SDK2: variants seen among roughly 807,000 people sequenced by gnomAD.
The protein encoded by SDK2 is sidekick cell adhesion molecule 2.
SDK2 carries 105 observed loss-of-function variants against 253.9 expected under a neutral mutation model. The observed-to-expected ratio is 0.41, with a 90% CI of 0.35 to 0.49. SDK2 has a LOEUF of 0.49. SDK2 is among the 20% of genes least tolerant of loss of function. SDK2 has a pLI of 0.06. For missense variants in SDK2, 2,608 were observed against 3,003.0 expected, an observed-to-expected ratio of 0.87 and a Z score of 3.07; for synonymous variants, 1,249 against 1,234.9, an observed-to-expected ratio of 1.01 and a Z score of -0.24.
At chr17:73,460,010 T>C (rs546889578) in intron 3 of SDK2, among the ~76,000 whole-genome samples, 1 of 152,326 alleles carries the variant, frequency 6.6e-6, no homozygotes, top group East Asian at 1.9e-4. Flanking sequence ...CTTTTTACAG[T>C]ATGATGGACA....
Position 73,336,170 on chromosome 17 carries a change from A to C in SDK2, c.*2417T>G, listed in dbSNP as rs1041436249. Reference sequence around the variant, plus strand: ...GCTCAGCAGAGAGGGAAAGGGATGAAGTTATTTAAAAAAAAAAAAAAAAAA... The same window carrying C: ...GCTCAGCAGAGAGGGAAAGGGATGACGTTATTTAAAAAAAAAAAAAAAAAA... On this transcript the variant is annotated 3_prime_UTR_variant, in exon 45 of 45. Transcript: ENST00000392650. 3 of 149,520 alleles carry C rather than the reference A, an allele frequency of 2.0e-5. No homozygotes were observed. Among genetic ancestry groups the C allele is most frequent in the African/African-American group, 7.4e-5 (3 of 40,608 alleles). 9.3% of individuals were successfully genotyped at this position (149,520 alleles called of 1,614,324 possible). A position where few individuals can be genotyped will look rare whatever the true frequency, so the allele number is the denominator to read the frequency against.
intron 1 of SDK2, 48 bp from the exon 2 acceptor site, chr17:73,507,645 T>C (rs2063946843): frequency 2.0e-6 from 3 of 1,531,260 alleles, no homozygotes; most frequent in Admixed American, 2.0e-5. Context: ...TGCTCACCTA[T>C]GTGACCTGGT....
chr17:73,600,609 G>A lies in SDK2; in HGVS notation c.64+43416C>T, dbSNP rs183590355. On this transcript the variant is annotated intron_variant, in intron 1 of 44. Coordinates refer to ENST00000392650, the MANE Select transcript of SDK2 (RefSeq NM_001144952.2). ...CCAGCAGACAGTGTGGGGAGAGGCC[G>A]ACAAGAGCCCCTGCCAGCTCCTCTC... Among the ~76,000 whole-genome samples, 108 of 152,282 alleles carry A rather than the reference G, an allele frequency of 7.1e-4. 4 individuals carry two copies. Among genetic ancestry groups the A allele is most frequent in the South Asian group, 1.7e-3 (8 of 4,822 alleles).
chr17:73,500,960 AG>A (rs1226331819), intron 2 of SDK2, among the ~76,000 whole-genome samples: 2 of 151,978 alleles, frequency 1.3e-5, no homozygotes, highest in African/African-American at 2.4e-5. Flanking sequence ...TTCTCCAGCC[AG>A]GGGGGTTGTC....
At chr17:73,471,700 C>T (rs1018041644) in intron 3 of SDK2, among the ~76,000 whole-genome samples, 1 of 152,140 alleles carries the variant, frequency 6.6e-6, no homozygotes, top group East Asian at 1.9e-4. Flanking sequence ...CTGAAGATGC[C>T]CCTTCCCAGG....
chr17:73,395,638 G>A lies in SDK2; in HGVS notation c.3355-246C>T, dbSNP rs145075966. Among the ~76,000 whole-genome samples, 86 of 152,326 alleles carry A rather than the reference G, an allele frequency of 5.6e-4. 1 individual carries two copies. The highest frequency in any genetic ancestry group is 2.0e-3 in the African/African-American group (82 of 41,572). ...AGCATCCTTTCTTTATTGTGTATGT[G>A]ACAAATCTATTACCCTGCCAAGGGA... On this transcript the variant is annotated intron_variant, in intron 24 of 44. Coordinates refer to ENST00000392650, the MANE Select transcript of SDK2 (RefSeq NM_001144952.2). This position sits in a 1 kb window ranked among gnomAD's most constrained non-coding sequence, Gnocchi z 4.3.
At chr17:73,548,991 C>A (rs149129256) in intron 1 of SDK2, among the ~76,000 whole-genome samples, 1,822 of 152,332 alleles carry the variant, frequency 0.012, 16 homozygotes, top group Non-Finnish European at 0.02. Context: ...AATGACAACC[C>A]CGGCTGCCTC....
In SDK2 at chr17:73,455,774, G is replaced by T; in HGVS notation, c.479+132C>A. 9.7e-7 allele frequency: 1 copy of T among 1,034,578 alleles called. No homozygotes were observed. The highest frequency in any genetic ancestry group is 1.3e-6 in the Non-Finnish European group (1 of 748,092). 64.1% of individuals were successfully genotyped at this position (1,034,578 alleles called of 1,614,324 possible). A position where few individuals can be genotyped will look rare whatever the true frequency, so the allele number is the denominator to read the frequency against. ...CCCCTGGGAGGTCCCCTACCTGGCT[G>T]TGTCCCACAGGAGCTGAAAGGGGCT... On this transcript the variant is annotated intron_variant, in intron 4 of 44. Coordinates refer to ENST00000392650, the MANE Select transcript of SDK2 (RefSeq NM_001144952.2). The surrounding 1 kb of genome is among the most constrained non-coding windows in gnomAD (Gnocchi z 5.0).
At chr17:73,411,655 C>A (rs548573175) in intron 18 of SDK2, among the ~76,000 whole-genome samples, 1 of 152,172 alleles carries the variant, frequency 6.6e-6, no homozygotes, top group Admixed American at 6.5e-5. Context: ...GGCACGGGGC[C>A]CACATGGAAT....
rs1468503480 is a variant in SDK2, at chr17:73,398,196, G to A, written c.3204-11C>T. On this transcript the variant is annotated splice_polypyrimidine_tract_variant and intron_variant, in intron 23 of 44. Coordinates refer to ENST00000392650, the MANE Select transcript of SDK2 (RefSeq NM_001144952.2). ...TGGCGCATGCGGAAGCTGGGGTTGG[G>A]GAGAGATGAGCAAGATGGTAAGGGC... is the stretch of plus-strand genomic sequence containing the variant. The A allele has an allele frequency of 1.2e-6, 2 of 1,608,960 alleles. No individual in the cohort carries two copies. The highest frequency in any genetic ancestry group is 2.7e-5 in the African/African-American group (2 of 74,902).
chr17:73,440,859 C>T lies in SDK2; in HGVS notation c.678G>A (p.Val226=). 1 of 1,551,722 alleles carries T rather than the reference C, an allele frequency of 6.4e-7. No individual in the cohort carries two copies. ...AGGTAACCTCTGAGGTGCCGGCCAC[C>T]ACGCTGGTGTTTTTAGGTGGGATGA... The part of the protein sequence containing the change: ...TIIIPPKNTS[V]VAGTSEVTLE... Residue 226 remains valine, a synonymous_variant, in exon 6 of 45, where the codon GTG becomes GTA. Transcript: ENST00000392650.
intron 1 of SDK2, among the ~76,000 whole-genome samples, chr17:73,509,304 G>A (rs963002168): frequency 8.5e-5 from 13 of 152,096 alleles, no homozygotes; most frequent in East Asian, 3.9e-4. Flanking sequence ...CTCTGTGCCC[G>A]GCCCAGAGTA....
At chr17:73,363,759 G>C (rs1220711760) in intron 38 of SDK2, among the ~76,000 whole-genome samples, 3 of 152,148 alleles carry the variant, frequency 2.0e-5, no homozygotes, top group African/African-American at 7.2e-5. Context: ...CAAGTTGAGA[G>C]GGTCCTGGAC....
Position 73,447,867 on chromosome 17 carries a change from G to A in SDK2, c.480-119C>T, listed in dbSNP as rs1473924602. On this transcript the variant is annotated intron_variant, in intron 4 of 44. Coordinates refer to ENST00000392650, the MANE Select transcript of SDK2 (RefSeq NM_001144952.2). The surrounding 1 kb of genome is among the most constrained non-coding windows in gnomAD (Gnocchi z 4.0). Reference sequence around the variant, plus strand: ...ATATCTCCCAGTCCCCAGCCTCCCAGGGCCCCTCCTGCCACCCCCTCCCCA... The same window carrying A: ...ATATCTCCCAGTCCCCAGCCTCCCAAGGCCCCTCCTGCCACCCCCTCCCCA... The A allele has an allele frequency of 9.0e-6, 11 of 1,216,290 alleles. No individual in the cohort carries two copies. The highest frequency in any genetic ancestry group is 5.9e-5 in the South Asian group (4 of 68,356). The allele number at this position is 1,216,290 out of a possible 1,614,324, so 75.3% of individuals were successfully genotyped here. A position where few individuals can be genotyped will look rare whatever the true frequency, so the allele number is the denominator to read the frequency against.
intron 1 of SDK2, among the ~76,000 whole-genome samples, chr17:73,584,725 A>G (rs1393796652): frequency 1.3e-5 from 2 of 152,180 alleles, no homozygotes; most frequent in African/African-American, 2.4e-5. Context: ...AGTTTCCTCA[A>G]CTGTCAAATG....
chr17:73,575,990 G>A (rs994837310), intron 1 of SDK2, among the ~76,000 whole-genome samples: 8 of 152,152 alleles, frequency 5.3e-5, no homozygotes, highest in African/African-American at 1.7e-4. Context: ...GGGCCGTGGG[G>A]GATGACTTCA....
At chr17:73,555,623 C>A (rs537963198) in intron 1 of SDK2, among the ~76,000 whole-genome samples, 1 of 152,200 alleles carries the variant, frequency 6.6e-6, no homozygotes, top group Non-Finnish European at 1.5e-5. Context: ...TCATCTCCCT[C>A]TCTGCCTCAA....
chr17:73,350,094 G>A lies in SDK2; in HGVS notation c.6038+143C>T, dbSNP rs1381057382. 1.3e-5 allele frequency: 6 copies of A among 450,704 alleles called. No individual in the cohort carries two copies. In the East Asian group the frequency reaches 2.1e-4, roughly 16 times the overall value. The allele number at this position is 450,704 out of a possible 1,614,324, so 27.9% of individuals were successfully genotyped here. A position where few individuals can be genotyped will look rare whatever the true frequency, so the allele number is the denominator to read the frequency against. ...GCCCCACTGTGTCTTTCTGCTGATC[G>A]TTCCCAGCCCTGGGGCTTGAATGGT... On this transcript the variant is annotated intron_variant, in intron 43 of 44. Transcript: ENST00000392650.
At chr17:73,617,022 A>T (rs2046066982) in intron 1 of SDK2, among the ~76,000 whole-genome samples, 1 of 152,044 alleles carries the variant, frequency 6.6e-6, no homozygotes, top group South Asian at 2.1e-4. Context: ...TTATTGAATG[A>T]ATGAAGGAAT....
Sources: gnomAD v4.1 joint callset for allele counts (sites outside exome capture counted in the v4.1 genomes callset) on GRCh38, gnomAD v4.1.1 for gene constraint, Gnocchi (gnomAD v3.1) non-coding constraint, MANE v1.5 for transcripts, NCBI Gene and HGNC (gene_info 2026-07-23, HGNC 2026-07-21) for gene names.